ITGA6: variants seen among roughly 807,000 people sequenced by gnomAD.
The protein encoded by ITGA6 is integrin subunit alpha 6, also known as integrin alpha-6.
Under a neutral mutation model 133.6 loss-of-function variants are expected in ITGA6, and 63 were observed. The observed-to-expected ratio is 0.47, with a 90% CI of 0.38 to 0.58. ITGA6 has a LOEUF of 0.58. ITGA6 is among the 20% of genes least tolerant of loss of function. The pLI is 0.00. For synonymous variants in ITGA6, 434 were observed against 482.0 expected (o/e 0.90, Z 1.30); for missense variants, 1,068 against 1,309.4 (o/e 0.82, Z 2.85).
intron 1 of ITGA6, chr2:172,428,203 G>A: frequency 3.8e-6 from 1 of 262,652 alleles, no homozygotes; most frequent in Non-Finnish European, 7.1e-6. Context: ...GCTAGGCTGG[G>A]CCCCGGGAGA....
chr2:172,485,332 TG>T (rs1374639678), intron 13 of ITGA6, 68 bp downstream of exon 13: 1 of 1,359,330 alleles, frequency 7.4e-7, no homozygotes, highest in Non-Finnish European at 1.1e-6. Flanking sequence ...CAAATGTCTT[TG>T]AAGGGAATAG....
chr2:172,501,641 G>A (rs1255254163), intron 24 of ITGA6, 131 bp from the exon 25 acceptor site: 2 of 786,626 alleles, frequency 2.5e-6, no homozygotes, highest in African/African-American at 3.4e-5. Flanking sequence ...GCTGTTCATT[G>A]TTGGTTGACT....
intron 1 of ITGA6, among the ~76,000 whole-genome samples, chr2:172,449,739 T>C (rs182350892): frequency 3.0e-4 from 45 of 152,056 alleles, no homozygotes; most frequent in African/African-American, 6.3e-4. Flanking sequence ...CTGACCAGCA[T>C]GGAGAAACCC....
At chr2:172,474,003 G>C in intron 5 of ITGA6, 52 bp from the exon 6 acceptor site, 1 of 1,310,818 alleles carries the variant, frequency 7.6e-7, no homozygotes, top group South Asian at 1.2e-5. Flanking sequence ...AATGTCATAG[G>C]CCTAAAATAT....
chr2:172,481,275 A>G (rs1356945965), intron 11 of ITGA6, among the ~76,000 whole-genome samples: 1 of 152,224 alleles, frequency 6.6e-6, no homozygotes, highest in African/African-American at 2.4e-5. Flanking sequence ...ATTCCAGAAT[A>G]TAACCTAATT....
rs1686943505 is a variant in ITGA6 at position 172,491,871 on chromosome 2, C to T, written c.2988+348C>T. 6.6e-6 allele frequency among the ~76,000 whole-genome samples: 1 copy of T among 152,120 alleles called. No homozygotes were observed. The highest frequency in any genetic ancestry group is 2.4e-5 in the African/African-American group (1 of 41,408). ...CCCCAGTGATGGCCCATCCCTTGGC[C>T]AGCTGTAATTATTAAAAAAGATCTC... is the stretch of plus-strand genomic sequence containing the variant. On this transcript the variant is annotated intron_variant, in intron 23 of 25. Transcript: ENST00000684293. The surrounding 1 kb of genome is among the most constrained non-coding windows in gnomAD (Gnocchi z 4.4).
At chr2:172,443,747 G>A (rs1426571690) in intron 1 of ITGA6, among the ~76,000 whole-genome samples, 2 of 152,214 alleles carry the variant, frequency 1.3e-5, no homozygotes, top group Admixed American at 6.5e-5. Context: ...TTATCACTGT[G>A]TTGAGTTTAC....
intron 23 of ITGA6, among the ~76,000 whole-genome samples, chr2:172,494,394 G>A (rs1420540634): frequency 6.6e-5 from 10 of 152,110 alleles, no homozygotes; most frequent in Admixed American, 6.5e-4. Flanking sequence ...TGTATTCCCA[G>A]CTACCTGGGA....
At chr2:172,456,858 AGCT>A (rs1685228886) in intron 1 of ITGA6, among the ~76,000 whole-genome samples, 1 of 152,236 alleles carries the variant, frequency 6.6e-6, no homozygotes, top group Non-Finnish European at 1.5e-5. Context: ...CTCTTATGAG[AGCT>A]GCCCTTCTGA....
chr2:172,472,817 G>A (rs759350966), intron 5 of ITGA6: 2 of 1,612,658 alleles, frequency 1.2e-6, no homozygotes, highest in South Asian at 1.1e-5. Context: ...ATCCTGATCA[G>A]TTTGTTTATA....
chr2:172,492,192 C>G (rs747116084), intron 23 of ITGA6, among the ~76,000 whole-genome samples: 1 of 152,228 alleles, frequency 6.6e-6, no homozygotes, highest in Admixed American at 6.5e-5. Flanking sequence ...ACCCTGGGGC[C>G]TTTACCTCTC....
At chr2:172,490,961 G>A in intron 20 of ITGA6, 63 bp from the exon 21 acceptor site, 1 of 872,746 alleles carries the variant, frequency 1.1e-6, no homozygotes, top group Non-Finnish European at 2.0e-6. Flanking sequence ...TGCTCAAGAG[G>A]CTTGTATGGT....
At chr2:172,480,156 T>C (rs1686371797) in intron 11 of ITGA6, 105 bp downstream of exon 11, 4 of 729,446 alleles carry the variant, frequency 5.5e-6, no homozygotes, top group South Asian at 4.3e-5. Flanking sequence ...CATGGGTCTG[T>C]CAATTCTGGT....
At chr2:172,488,408 C>G (rs1333685152) in intron 19 of ITGA6, among the ~76,000 whole-genome samples, 180 bp downstream of exon 19, 1 of 152,206 alleles carries the variant, frequency 6.6e-6, no homozygotes, top group East Asian at 1.9e-4. Flanking sequence ...ATTTTATCCT[C>G]CAGGATGGAG....
intron 1 of ITGA6, among the ~76,000 whole-genome samples, chr2:172,431,667 G>A (rs1418990698): frequency 6.6e-6 from 1 of 152,202 alleles, no homozygotes; most frequent in Non-Finnish European, 1.5e-5. Flanking sequence ...AGTGCCATGT[G>A]GCCCAGGGCC....
chr2:172,452,631 C>T (rs1397480500), intron 1 of ITGA6, among the ~76,000 whole-genome samples: 1 of 152,098 alleles, frequency 6.6e-6, no homozygotes, highest in East Asian at 1.9e-4. Context: ...AACCAGTTAC[C>T]AACATTCAAA....
intron 4 of ITGA6, among the ~76,000 whole-genome samples, chr2:172,470,396 T>C (rs1685867944): frequency 6.6e-6 from 1 of 152,208 alleles, no homozygotes; most frequent in African/African-American, 2.4e-5. Context: ...CCACCAATTA[T>C]GTATATTTTA....
In ITGA6 at chr2:172,467,555, G is replaced by T. The variant is rs1685734156; in HGVS notation, c.382G>T (p.Val128Phe). The stretch of plus-strand genomic sequence containing the variant: ...CCAGAGCCAAGGTCCAGGGGGCAAG[G>T]TCGTGGTAAGTGTAGAGACACATGT... ...TVQSQGPGGK[V>F]VTCAHRYEKR... The change falls in exon 3 of 26, where the codon GTC becomes TTC. Residue 128 changes from valine (V) to phenylalanine (F), a missense_variant. By Grantham distance (50) the Val-to-Phe change is conservative. Coordinates refer to ENST00000684293, the MANE Select transcript of ITGA6 (RefSeq NM_000210.4). 1 of 1,612,414 alleles carries T rather than the reference G, an allele frequency of 6.2e-7. No individual in the cohort carries two copies. The highest frequency in any genetic ancestry group is 1.3e-5 in the African/African-American group (1 of 74,880).
At chr2:172,496,342 T>C (rs1687127485) in intron 23 of ITGA6, among the ~76,000 whole-genome samples, 1 of 152,214 alleles carries the variant, frequency 6.6e-6, no homozygotes, top group Admixed American at 6.5e-5. Flanking sequence ...TAAAGGTGTT[T>C]TATGCCTGCC....
Sources: allele counts gnomAD v4.1 joint callset (sites outside exome capture counted in the v4.1 genomes callset), GRCh38; gene constraint gnomAD v4.1.1; non-coding constraint Gnocchi (gnomAD v3.1); transcripts MANE v1.5; gene names NCBI Gene and HGNC (gene_info 2026-07-23, HGNC 2026-07-21).